Variants in SPOCK3 observed in about 807,000 individuals in gnomAD.
The protein encoded by SPOCK3 is testican-3.
In SPOCK3, 30 loss-of-function variants were observed where a neutral mutation model predicts 56.6. That is an observed-to-expected ratio of 0.53 (90% CI 0.40 to 0.72). The LOEUF is 0.72. Among genes scored for constraint, SPOCK3 ranks in the 30% least tolerant of loss-of-function variants. The pLI, the probability that SPOCK3 is intolerant of heterozygous loss-of-function variation, is 0.00. For missense variants in SPOCK3, 527 were observed against 530.0 expected (o/e 0.99, Z 0.06); for synonymous variants, 196 against 183.3 (o/e 1.07, Z -0.56).
chr4:166,747,333 T>C (rs1279416806), intron 8 of SPOCK3, among the ~76,000 whole-genome samples: 1 of 152,134 alleles, frequency 6.6e-6, no homozygotes, highest in African/African-American at 2.4e-5. Context: ...GTTCAACCTA[T>C]GCAAATCAAT....
chr4:166,775,810 T>A (rs1188643702), intron 7 of SPOCK3, among the ~76,000 whole-genome samples: 1 of 152,174 alleles, frequency 6.6e-6, no homozygotes, highest in Non-Finnish European at 1.5e-5. Context: ...TTGTAAAGAC[T>A]GATTAAATGA....
chr4:166,934,372 C>A (rs988418543), intron 4 of SPOCK3, among the ~76,000 whole-genome samples: 2 of 151,300 alleles, frequency 1.3e-5, no homozygotes, highest in African/African-American at 4.9e-5. Context: ...GTGGGGGGCA[C>A]CTGTAGTCCA....
intron 4 of SPOCK3, among the ~76,000 whole-genome samples, chr4:166,984,101 A>G (rs779498656): frequency 1.1e-4 from 16 of 152,098 alleles, no homozygotes; most frequent in Non-Finnish European, 2.2e-4. Context: ...TAAAAAGAAT[A>G]ATACAAATTG....
chr4:167,027,711 A>G (rs1183534605), intron 3 of SPOCK3, among the ~76,000 whole-genome samples: 2 of 152,082 alleles, frequency 1.3e-5, no homozygotes, highest in African/African-American at 2.4e-5. Flanking sequence ...TATTAAGAAA[A>G]TCATAAGGAA....
chr4:167,108,371 A>T (rs891215357), intron 2 of SPOCK3, among the ~76,000 whole-genome samples: 17 of 151,982 alleles, frequency 1.1e-4, no homozygotes, highest in African/African-American at 3.9e-4. Flanking sequence ...TTACTGCGTC[A>T]CTATTCACAA....
At chr4:167,084,306 T>C (rs1007922666) in intron 2 of SPOCK3, among the ~76,000 whole-genome samples, 3 of 152,168 alleles carry the variant, frequency 2.0e-5, no homozygotes, top group African/African-American at 7.2e-5. Flanking sequence ...CATAATAACA[T>C]TGGTTCTACC....
At chr4:166,921,324 T>A (rs944991485) in intron 4 of SPOCK3, among the ~76,000 whole-genome samples, 6 of 125,096 alleles carry the variant, frequency 4.8e-5, no homozygotes, top group African/African-American at 1.2e-4. Flanking sequence ...ATGTGTTGAA[T>A]TTTTTTTTTT....
chr4:167,212,387 G>C (rs189666494), intron 2 of SPOCK3, among the ~76,000 whole-genome samples: 44 of 151,922 alleles, frequency 2.9e-4, no homozygotes, highest in African/African-American at 9.9e-4. Context: ...GATTACAGGC[G>C]CCCAGCACCA....
intron 3 of SPOCK3, among the ~76,000 whole-genome samples, chr4:167,021,492 T>C (rs1356881473): frequency 6.6e-6 from 1 of 151,896 alleles, no homozygotes; most frequent in African/African-American, 2.4e-5. Flanking sequence ...TTCTCAAAAG[T>C]GGGTGTCAAA....
intron 7 of SPOCK3, among the ~76,000 whole-genome samples, chr4:166,776,217 A>G (rs2126594735): frequency 6.6e-6 from 1 of 152,228 alleles, no homozygotes; most frequent in Admixed American, 6.5e-5. Flanking sequence ...GATCGAGACT[A>G]TCCTGGCCAA....
At chr4:166,957,402 T>C (rs943482488) in intron 4 of SPOCK3, among the ~76,000 whole-genome samples, 1 of 152,240 alleles carries the variant, frequency 6.6e-6, no homozygotes, top group Non-Finnish European at 1.5e-5. Context: ...CAAAGTACAC[T>C]TCCCTTTAGT....
chr4:166,874,219 C>A (rs919102740), intron 6 of SPOCK3, among the ~76,000 whole-genome samples: 3 of 152,034 alleles, frequency 2.0e-5, no homozygotes, highest in African/African-American at 7.2e-5. Flanking sequence ...TCAACCCCAC[C>A]ATGTATACAG....
intron 2 of SPOCK3, among the ~76,000 whole-genome samples, chr4:167,104,608 A>G (rs904846433): frequency 6.6e-6 from 1 of 152,114 alleles, no homozygotes; most frequent in African/African-American, 2.4e-5. Context: ...ACAACAAAGG[A>G]CAAATCTAAG....
chr4:166,994,235 T>A (rs1748117201), intron 4 of SPOCK3, among the ~76,000 whole-genome samples: 2 of 152,266 alleles, frequency 1.3e-5, no homozygotes, highest in South Asian at 2.1e-4. Context: ...ATAATGCCTA[T>A]CATGGATGAA....
At chr4:167,233,308 TA>T (rs1561352734) in intron 2 of SPOCK3, among the ~76,000 whole-genome samples, 1 of 152,208 alleles carries the variant, frequency 6.6e-6, no homozygotes, top group Non-Finnish European at 1.5e-5. Flanking sequence ...TTAACTCTTT[TA>T]TCGCTGTCAC....
chr4:167,084,135 A>G (rs983387333), intron 2 of SPOCK3, among the ~76,000 whole-genome samples: 1 of 152,098 alleles, frequency 6.6e-6, no homozygotes, highest in Non-Finnish European at 1.5e-5. Flanking sequence ...CATGTACAAG[A>G]GCACCTAATA....
chr4:166,838,530 G>T (rs911674136), intron 6 of SPOCK3, among the ~76,000 whole-genome samples: 3 of 150,878 alleles, frequency 2.0e-5, no homozygotes, highest in African/African-American at 7.3e-5. Context: ...ATTTCCGTTG[G>T]TTATTTTTTT....
rs375546775 is a variant in SPOCK3 at position 166,864,104 on chromosome 4, A to T, written c.589+25026T>A. On this transcript the variant is annotated intron_variant, in intron 6 of 10. Transcript: ENST00000357545. ...GTCTCTCAGACCACAGTGCAATCAA[A>T]TTAGAACTCAAGATTAAGAAATTCA... Among the ~76,000 whole-genome samples, 122 of 152,328 alleles carry T rather than the reference A, an allele frequency of 8.0e-4. 1 individual carries two copies. Among genetic ancestry groups the T allele is most frequent in the African/African-American group, 2.8e-3 (116 of 41,580 alleles).
intron 4 of SPOCK3, among the ~76,000 whole-genome samples, chr4:166,976,036 G>A (rs1745905744): frequency 6.6e-6 from 1 of 151,862 alleles, no homozygotes; most frequent in Non-Finnish European, 1.5e-5. Flanking sequence ...TCTAGCATGG[G>A]ATGCATAGAA....
Sources: gnomAD v4.1 joint callset for allele counts (sites outside exome capture counted in the v4.1 genomes callset) on GRCh38, gnomAD v4.1.1 for gene constraint, MANE v1.5 for transcripts, NCBI Gene and HGNC (gene_info 2026-07-23, HGNC 2026-07-21) for gene names.